The following EYS variants were observed in gnomAD, a reference collection of about 807,000 sequenced individuals.
EYS encodes the protein protein eyes shut homolog.
Under a neutral mutation model 282.1 loss-of-function variants are expected in EYS, and 250 were observed. The ratio of observed to expected loss-of-function variants is 0.89; its 90% CI spans 0.80 to 0.98. EYS has a LOEUF of 0.98. Among genes scored for constraint, EYS ranks in the 50% least tolerant of loss-of-function variants. The pLI is 0.00. For synonymous variants in EYS, 1,355 were observed against 1,282.9 expected (o/e 1.06, Z -1.20); for missense variants, 4,016 against 3,709.0 (o/e 1.08, Z -2.15).
At chr6:64,021,319 A>G (rs1435396359) in intron 33 of EYS, among the ~76,000 whole-genome samples, 2 of 152,060 alleles carry the variant, frequency 1.3e-5, no homozygotes, top group African/African-American at 2.4e-5. Flanking sequence ...GTAGTGCTAG[A>G]CTGGGGGGAG....
At chr6:65,454,685 G>T (rs944723436) in intron 5 of EYS, among the ~76,000 whole-genome samples, 9 of 152,058 alleles carry the variant, frequency 5.9e-5, no homozygotes, top group African/African-American at 2.2e-4. Context: ...TTTTGTATAT[G>T]GTGAGAGTTT....
At chr6:63,826,868 CA>C (rs1771482141) in intron 36 of EYS, among the ~76,000 whole-genome samples, 2 of 107,314 alleles carry the variant, frequency 1.9e-5, no homozygotes, top group African/African-American at 6.8e-5. Flanking sequence ...AAAAAAAGGA[CA>C]AAAACAAAAA....
intron 1 of EYS, among the ~76,000 whole-genome samples, chr6:65,686,763 A>C (rs566014757): frequency 6.6e-6 from 1 of 152,206 alleles, no homozygotes; most frequent in African/African-American, 2.4e-5. Flanking sequence ...CATGTGTTGT[A>C]TACATAAACA....
intron 26 of EYS, among the ~76,000 whole-genome samples, chr6:64,545,129 C>A (rs1238967086): frequency 6.6e-6 from 1 of 152,188 alleles, no homozygotes; most frequent in African/African-American, 2.4e-5. Context: ...CAATAAAATA[C>A]TGGTAAACCA....
In EYS at chr6:64,950,118, T is replaced by C. The variant is rs147348917; in HGVS notation, c.2260-4204A>G. ...CAAAGAAGGAGGAAGAGCAAGAGAA[T>C]CCAGCAATATGTAATTTATGAACAC... is the stretch of plus-strand genomic sequence containing the variant. On this transcript the variant is annotated intron_variant, in intron 14 of 42. Transcript: ENST00000503581. Among the ~76,000 whole-genome samples, 1,211 of 151,982 alleles carry C rather than the reference T, an allele frequency of 8.0e-3. 16 individuals are homozygous for C. Among genetic ancestry groups the C allele is most frequent in the African/African-American group, 0.027 (1,118 of 41,518 alleles).
intron 8 of EYS, among the ~76,000 whole-genome samples, chr6:65,354,285 T>C (rs765035160): frequency 1.3e-5 from 2 of 152,118 alleles, no homozygotes; most frequent in Non-Finnish European, 2.9e-5. Flanking sequence ...CTTTAGAGCA[T>C]ACCCCTCAAT....
intron 10 of EYS, among the ~76,000 whole-genome samples, chr6:65,342,274 T>A (rs181717747): frequency 6.6e-6 from 1 of 151,184 alleles, no homozygotes; most frequent in East Asian, 1.9e-4. Context: ...TATAATTATG[T>A]CCTCAAATTG....
chr6:64,642,211 GTTAC>G (rs1768181683), intron 22 of EYS, among the ~76,000 whole-genome samples: 2 of 152,088 alleles, frequency 1.3e-5, no homozygotes, highest in Non-Finnish European at 2.9e-5. Flanking sequence ...TGTTCTGGTG[GTTAC>G]TTAAAGTTAA....
At chr6:64,758,278 C>T (rs1474510549) in intron 22 of EYS, among the ~76,000 whole-genome samples, 1 of 152,150 alleles carries the variant, frequency 6.6e-6, no homozygotes, top group South Asian at 2.1e-4. Context: ...GTTAAAACTT[C>T]TGTGTCTTGG....
intron 22 of EYS, among the ~76,000 whole-genome samples, chr6:64,780,503 C>A (rs192808374): frequency 1.3e-5 from 2 of 152,186 alleles, no homozygotes; most frequent in East Asian, 3.9e-4. Flanking sequence ...ATAACAGACA[C>A]TGGGGACTCC....
chr6:65,650,910 T>C (rs1767629027), intron 1 of EYS, among the ~76,000 whole-genome samples: 4 of 152,180 alleles, frequency 2.6e-5, no homozygotes, highest in Admixed American at 2.6e-4. Context: ...GACTTCATTA[T>C]CATTCATCAA....
intron 29 of EYS, among the ~76,000 whole-genome samples, chr6:64,334,770 T>A (rs568995516): frequency 1.3e-5 from 2 of 152,254 alleles, no homozygotes; most frequent in African/African-American, 4.8e-5. Context: ...GCTTACAAAT[T>A]GATGACAATG....
chr6:65,519,708 A>ATATATATATT (rs1554205854), intron 2 of EYS, among the ~76,000 whole-genome samples: 1 of 42,562 alleles, frequency 2.3e-5, no homozygotes, highest in Non-Finnish European at 3.7e-5. Flanking sequence ...ATATATATAT[A>ATATATATATT]TTTTTTTTTT....
chr6:64,917,340 A>G (rs924097236), intron 15 of EYS, among the ~76,000 whole-genome samples: 1 of 152,180 alleles, frequency 6.6e-6, no homozygotes, highest in South Asian at 2.1e-4. Context: ...ACCTTACCAT[A>G]AACATTTATT....
In EYS at chr6:64,591,413, C is replaced by A; in HGVS notation, c.4454G>T (p.Arg1485Ile). Residue 1485 changes from arginine to isoleucine, a missense_variant, in exon 26 of 43, where the codon AGA becomes ATA. By Grantham distance (97) the Arg-to-Ile change is moderately conservative (BLOSUM62 -3). Coordinates refer to ENST00000503581, the MANE Select transcript of EYS (RefSeq NM_001142800.2). ...GGGAGACATCGAGGGGCTGAGCAATCTCCAGTGCTCTCTTCTTGAAATTAA... is the reference window on the plus strand; with the variant it reads ...GGGAGACATCGAGGGGCTGAGCAATATCCAGTGCTCTCTTCTTGAAATTAA... The part of the protein sequence containing the change: ...DSLISRREHW[R>I]LLSPSMSPIF... The A allele has an allele frequency of 6.4e-7, 1 of 1,551,330 alleles. No individual in the cohort carries two copies. The highest frequency in any genetic ancestry group is 8.7e-7 in the Non-Finnish European group (1 of 1,146,738).
In EYS at chr6:65,323,565, C is replaced by T. The variant is rs192919911; in HGVS notation, c.1766+11415G>A. On this transcript the variant is annotated intron_variant, in intron 11 of 42. Coordinates refer to ENST00000503581, the MANE Select transcript of EYS (RefSeq NM_001142800.2). ...ATAAATTATCTCATTTAATCCATAC[C>T]GTGATTTTATGAGATTGGTACTGTT... is the stretch of plus-strand genomic sequence containing the variant. Among the ~76,000 whole-genome samples the T allele has an allele frequency of 5.1e-3, 746 of 146,278 alleles. 4 individuals are homozygous for T. The highest frequency in any genetic ancestry group is 0.012 in the South Asian group (55 of 4,472).
At chr6:65,243,056 T>C (rs1218703043) in intron 12 of EYS, among the ~76,000 whole-genome samples, 1 of 152,026 alleles carries the variant, frequency 6.6e-6, no homozygotes, top group African/African-American at 2.4e-5. Flanking sequence ...TTTTCTTACA[T>C]TGTATATAAC....
At chr6:65,420,904 T>C (rs756448118) in intron 5 of EYS, among the ~76,000 whole-genome samples, 5 of 151,678 alleles carry the variant, frequency 3.3e-5, no homozygotes, top group Non-Finnish European at 7.4e-5. Flanking sequence ...CAGGTCACAA[T>C]GGTGGGCTTA....
intron 13 of EYS, among the ~76,000 whole-genome samples, chr6:65,036,691 A>C (rs1257051102): frequency 6.6e-6 from 1 of 151,826 alleles, no homozygotes. Context: ...TGACATACAC[A>C]TGACTAAATC....
Sources: gnomAD v4.1 joint callset for allele counts (sites outside exome capture counted in the v4.1 genomes callset) on GRCh38, gnomAD v4.1.1 for gene constraint, MANE v1.5 for transcripts, NCBI Gene and HGNC (gene_info 2026-07-23, HGNC 2026-07-21) for gene names.